Variants in MSI2 observed in about 807,000 individuals in gnomAD.
The protein encoded by MSI2 is RNA-binding protein Musashi homolog 2.
Under a neutral mutation model 45.6 loss-of-function variants are expected in MSI2, and 17 were observed. The observed-to-expected ratio is 0.37, with a 90% CI of 0.26 to 0.56. MSI2 has a LOEUF of 0.56. Among genes scored for constraint, MSI2 ranks in the 20% least tolerant of loss-of-function variants. The pLI, the probability that MSI2 is intolerant of heterozygous loss-of-function variation, is 0.77. For missense variants in MSI2, 293 were observed against 444.2 expected (o/e 0.66, Z 3.06); for synonymous variants, 156 against 158.2 (o/e 0.99, Z 0.11).
chr17:57,585,739 T>TACCC (rs1325176535), intron 7 of MSI2, among the ~76,000 whole-genome samples: 2 of 152,248 alleles, frequency 1.3e-5, no homozygotes, highest in Non-Finnish European at 2.9e-5. Context: ...TTCCAGCTGA[T>TACCC]ACCCCATCTC....
At chr17:57,592,765 G>C (rs147938348) in intron 7 of MSI2, among the ~76,000 whole-genome samples, 2 of 152,152 alleles carry the variant, frequency 1.3e-5, no homozygotes, top group African/African-American at 2.4e-5. Flanking sequence ...GTCTTGCCCC[G>C]ACCCTTCCTG....
At chr17:57,366,825 C>T (rs540952843) in intron 5 of MSI2, among the ~76,000 whole-genome samples, 14 of 152,224 alleles carry the variant, frequency 9.2e-5, no homozygotes, top group South Asian at 6.2e-4. Flanking sequence ...TTTACGGAGG[C>T]GAGGATCCTG....
At chr17:57,330,717 A>G (rs1598129275) in intron 5 of MSI2, among the ~76,000 whole-genome samples, 3 of 152,190 alleles carry the variant, frequency 2.0e-5, no homozygotes, top group African/African-American at 7.2e-5. Flanking sequence ...GATGGTTTCA[A>G]AAAAAACACT....
At chr17:57,377,265 A>G (rs2083516789) in intron 5 of MSI2, among the ~76,000 whole-genome samples, 1 of 152,202 alleles carries the variant, frequency 6.6e-6, no homozygotes, top group Non-Finnish European at 1.5e-5. Context: ...TTCAGAAGGA[A>G]GGAATGAGCC....
chr17:57,372,274 C>T (rs963315790), intron 5 of MSI2, among the ~76,000 whole-genome samples: 10 of 152,164 alleles, frequency 6.6e-5, no homozygotes, highest in African/African-American at 2.4e-4. Flanking sequence ...CACTGACCTA[C>T]CCACCTGTGT....
chr17:57,462,755 GC>G (rs1267364484), intron 6 of MSI2, among the ~76,000 whole-genome samples: 2 of 152,150 alleles, frequency 1.3e-5, no homozygotes, highest in African/African-American at 4.8e-5. Flanking sequence ...GGGAATGTTG[GC>G]CCCCAAAGCA....
At chr17:57,413,309 A>G (rs1212239631) in intron 6 of MSI2, among the ~76,000 whole-genome samples, 1 of 152,166 alleles carries the variant, frequency 6.6e-6, no homozygotes, top group African/African-American at 2.4e-5. Context: ...CTGAGCATAA[A>G]GACGACGATT....
intron 5 of MSI2, among the ~76,000 whole-genome samples, chr17:57,372,465 AT>A (rs777618189): frequency 1.6e-4 from 25 of 152,232 alleles, no homozygotes; most frequent in Non-Finnish European, 3.4e-4. Flanking sequence ...AATTTGGAAA[AT>A]GTCAAAAAGT....
chr17:57,484,620 G>C (rs1286808752), intron 6 of MSI2, among the ~76,000 whole-genome samples: 1 of 152,108 alleles, frequency 6.6e-6, no homozygotes, highest in Non-Finnish European at 1.5e-5. Context: ...CTTCCCTGTG[G>C]CCTCTGAAGA....
intron 13 of MSI2, 26 bp downstream of exon 13, chr17:57,677,085 C>G (rs1913284223): frequency 6.4e-7 from 1 of 1,552,598 alleles, no homozygotes; most frequent in Non-Finnish European, 8.9e-7. Context: ...CCATGTGTCT[C>G]TGCCCTGCCG....
intron 5 of MSI2, among the ~76,000 whole-genome samples, chr17:57,350,225 G>GGTGTGT (rs58596259): frequency 0.016 from 2,297 of 146,668 alleles, 30 homozygotes; most frequent in African/African-American, 0.027. Flanking sequence ...CAGAGGTAGG[G>GGTGTGT]GTGTGTGTGT....
At chr17:57,649,738 T>A (rs1910987843) in intron 10 of MSI2, among the ~76,000 whole-genome samples, 1 of 152,130 alleles carries the variant, frequency 6.6e-6, no homozygotes, top group Non-Finnish European at 1.5e-5. Flanking sequence ...CTGGATGGCC[T>A]AATGGAACAG....
intron 10 of MSI2, among the ~76,000 whole-genome samples, chr17:57,640,721 A>C (rs1910183094): frequency 6.6e-6 from 1 of 152,184 alleles, no homozygotes; most frequent in Middle Eastern, 3.2e-3. Flanking sequence ...TATTTTCTTT[A>C]ACCTCTCTGG....
chr17:57,687,715 C>T (rs549433374), downstream of MSI2, among the ~76,000 whole-genome samples: 1 of 152,202 alleles, frequency 6.6e-6, no homozygotes, highest in South Asian at 2.1e-4. Context: ...AGAAAGCTCT[C>T]CTGTTTTATG....
At chr17:57,622,762 A>G (rs995832953) in intron 9 of MSI2, among the ~76,000 whole-genome samples, 2 of 152,224 alleles carry the variant, frequency 1.3e-5, no homozygotes, top group Non-Finnish European at 2.9e-5. Flanking sequence ...CCACATATCT[A>G]CACTCAATTT....
At chr17:57,563,536 A>G (rs917250655) in intron 7 of MSI2, among the ~76,000 whole-genome samples, 1 of 152,106 alleles carries the variant, frequency 6.6e-6, no homozygotes, top group Admixed American at 6.5e-5. Context: ...CAGGATCAGA[A>G]CCCCAAGGCC....
chr17:57,605,232 A>T (rs79180392), intron 8 of MSI2, among the ~76,000 whole-genome samples: 16,057 of 152,312 alleles, frequency 0.11, 1,161 homozygotes, highest in East Asian at 0.29. Flanking sequence ...AAGCGCGTGC[A>T]CATGCTGTTT....
intron 5 of MSI2, among the ~76,000 whole-genome samples, chr17:57,345,961 A>G (rs1282880279): frequency 6.6e-6 from 1 of 152,110 alleles, no homozygotes; most frequent in East Asian, 1.9e-4. Flanking sequence ...TAACAGTCGC[A>G]TCTTATTTTT....
intron 5 of MSI2, among the ~76,000 whole-genome samples, chr17:57,370,277 A>G (rs1358804133): frequency 3.3e-5 from 5 of 152,218 alleles, no homozygotes; most frequent in Non-Finnish European, 7.3e-5. Context: ...TATCTTAAAC[A>G]TTTAGGCAGA....
Sources: gnomAD v4.1 joint callset for allele counts (sites outside exome capture counted in the v4.1 genomes callset) on GRCh38, gnomAD v4.1.1 for gene constraint, MANE v1.5 for transcripts, NCBI Gene and HGNC (gene_info 2026-07-23, HGNC 2026-07-21) for gene names.